The following ADK variants were observed in gnomAD, a reference collection of about 807,000 sequenced individuals.
ADK encodes the protein adenosine kinase.
Under a neutral mutation model 44.7 loss-of-function variants are expected in ADK, and 24 were observed. The observed-to-expected ratio is 0.54, with a 90% CI of 0.39 to 0.76. ADK has a LOEUF of 0.76. ADK is among the 30% of genes least tolerant of loss of function. ADK has a pLI of 0.00. For missense variants in ADK, 321 were observed against 425.1 expected, an observed-to-expected ratio of 0.76 and a Z score of 2.15; for synonymous variants, 128 against 142.6, an observed-to-expected ratio of 0.90 and a Z score of 0.73.
At chr10:74,528,696 A>C (rs890052755) in intron 7 of ADK, among the ~76,000 whole-genome samples, 1 of 152,208 alleles carries the variant, frequency 6.6e-6, no homozygotes, top group Non-Finnish European at 1.5e-5. Context: ...AACATAATTC[A>C]ATAATGATCA....
intron 3 of ADK, among the ~76,000 whole-genome samples, chr10:74,244,086 C>T (rs952969764): frequency 6.6e-6 from 1 of 152,114 alleles, no homozygotes; most frequent in Non-Finnish European, 1.5e-5. Flanking sequence ...TGTTTAACTT[C>T]TCAATAATTA....
At chr10:74,520,003 A>T (rs1004286781) in intron 6 of ADK, among the ~76,000 whole-genome samples, 3 of 151,908 alleles carry the variant, frequency 2.0e-5, no homozygotes, top group Non-Finnish European at 4.4e-5. Context: ...CTCTTTTATC[A>T]TAGATTTTCT....
intron 4 of ADK, among the ~76,000 whole-genome samples, chr10:74,320,536 G>A (rs1002141416): frequency 6.6e-6 from 1 of 151,564 alleles, no homozygotes; most frequent in Non-Finnish European, 1.5e-5. Context: ...AAGTCAGGAA[G>A]TTTTGGACCA....
intron 6 of ADK, among the ~76,000 whole-genome samples, chr10:74,461,947 C>T (rs567716925): frequency 6.6e-6 from 1 of 152,022 alleles, no homozygotes; most frequent in Non-Finnish European, 1.5e-5. Context: ...TATCTTGACT[C>T]AGGTTCTATT....
chr10:74,323,875 A>G (rs924369646), intron 4 of ADK, among the ~76,000 whole-genome samples: 2 of 151,590 alleles, frequency 1.3e-5, no homozygotes, highest in Non-Finnish European at 2.9e-5. Context: ...CGGCCCCACA[A>G]TATTTTCATT....
chr10:74,161,532 AT>A (rs200623560), intron 1 of ADK, among the ~76,000 whole-genome samples: 27 of 148,218 alleles, frequency 1.8e-4, no homozygotes, highest in East Asian at 9.8e-4. Context: ...ATTTTAATTA[AT>A]TTTTTTTTTG....
intron 4 of ADK, among the ~76,000 whole-genome samples, chr10:74,331,363 A>G (rs920433778): frequency 6.6e-6 from 1 of 152,218 alleles, no homozygotes; most frequent in Non-Finnish European, 1.5e-5. Flanking sequence ...AATAATGAAG[A>G]TTATGCAAGT....
chr10:74,584,074 G>T (rs565334602), intron 7 of ADK, among the ~76,000 whole-genome samples: 2 of 152,296 alleles, frequency 1.3e-5, no homozygotes, highest in South Asian at 4.1e-4. Flanking sequence ...AAGTCACTAG[G>T]TCTAGAGCAC....
intron 1 of ADK, among the ~76,000 whole-genome samples, chr10:74,200,485 C>CAAA (rs78504019): frequency 3.2e-5 from 3 of 93,956 alleles, no homozygotes; most frequent in African/African-American, 1.1e-4. Flanking sequence ...ACTCCGTGTC[C>CAAA]AAAAAAAAAA....
At chr10:74,418,042 T>C (rs1401384797) in intron 6 of ADK, among the ~76,000 whole-genome samples, 1 of 152,138 alleles carries the variant, frequency 6.6e-6, no homozygotes, top group African/African-American at 2.4e-5. Flanking sequence ...AAAAGATACA[T>C]AGGTTATTTT....
intron 4 of ADK, among the ~76,000 whole-genome samples, chr10:74,364,087 A>T (rs2131951928): frequency 6.6e-6 from 1 of 152,326 alleles, no homozygotes; most frequent in Non-Finnish European, 1.5e-5. Flanking sequence ...TTGGTGTATT[A>T]TACATAACCA....
intron 6 of ADK, among the ~76,000 whole-genome samples, chr10:74,494,003 G>C (rs1208911073): frequency 2.0e-5 from 3 of 152,042 alleles, no homozygotes; most frequent in African/African-American, 7.2e-5. Context: ...CATTTAATAG[G>C]AGAGAAACTT....
intron 2 of ADK, among the ~76,000 whole-genome samples, chr10:74,218,256 A>C (rs1312291607): frequency 6.6e-6 from 1 of 152,226 alleles, no homozygotes; most frequent in Non-Finnish European, 1.5e-5. Flanking sequence ...ATCAACTGGA[A>C]GAAAGGGTAT....
chr10:74,416,756 T>A (rs1286328499), intron 6 of ADK, among the ~76,000 whole-genome samples: 1 of 152,012 alleles, frequency 6.6e-6, no homozygotes, highest in Non-Finnish European at 1.5e-5. Flanking sequence ...GTCTTCATTC[T>A]ATAAGTAACA....
intron 3 of ADK, among the ~76,000 whole-genome samples, chr10:74,253,824 G>A (rs980430613): frequency 1.3e-5 from 2 of 149,756 alleles, no homozygotes; most frequent in African/African-American, 4.9e-5. Context: ...TGGAGTGCAG[G>A]GGTGTGATCT....
intron 4 of ADK, among the ~76,000 whole-genome samples, chr10:74,393,901 G>A (rs1843420964): frequency 6.6e-6 from 1 of 152,072 alleles, no homozygotes; most frequent in African/African-American, 2.4e-5. Context: ...TATGATTTTA[G>A]CTGCTGAGTC....
chr10:74,698,871 T>G (rs1211087974), intron 10 of ADK, among the ~76,000 whole-genome samples: 1 of 151,826 alleles, frequency 6.6e-6, no homozygotes, highest in African/African-American at 2.4e-5. Flanking sequence ...TTTTTGTTTT[T>G]TTGTTGTTGT....
At chr10:74,279,829 T>G (rs1458405754) in intron 3 of ADK, among the ~76,000 whole-genome samples, 1 of 151,950 alleles carries the variant, frequency 6.6e-6, no homozygotes, top group Non-Finnish European at 1.5e-5. Context: ...ACCAGGAATT[T>G]GAGATCAGCC....
chr10:74,356,990 C>T (rs2131927888), intron 4 of ADK, among the ~76,000 whole-genome samples: 1 of 152,284 alleles, frequency 6.6e-6, no homozygotes, highest in Middle Eastern at 3.4e-3. Context: ...AGCAATCTTT[C>T]TGGGCAGAGC....
Sources: gnomAD v4.1 joint callset for allele counts (sites outside exome capture counted in the v4.1 genomes callset) on GRCh38, gnomAD v4.1.1 for gene constraint, MANE v1.5 for transcripts, NCBI Gene and HGNC (gene_info 2026-07-23, HGNC 2026-07-21) for gene names.